SPATA6L: variants seen among roughly 807,000 people sequenced by gnomAD.
SPATA6L encodes the protein spermatogenesis associated 6-like protein.
SPATA6L carries 68 observed loss-of-function variants against 49.2 expected under a neutral mutation model. The observed-to-expected ratio is 1.38, with a 90% CI of 1.14 to 1.69. The LOEUF is 1.69. SPATA6L is among the 40% of genes most tolerant of loss of function. SPATA6L has a pLI of 0.00. For missense variants in SPATA6L, 668 were observed against 464.3 expected, an observed-to-expected ratio of 1.44 and a Z score of -4.03; for synonymous variants, 198 against 165.7, an observed-to-expected ratio of 1.19 and a Z score of -1.50.
intron 3 of SPATA6L, among the ~76,000 whole-genome samples, chr9:4,655,507 T>C (rs144843334): frequency 5.9e-5 from 9 of 152,178 alleles, no homozygotes; most frequent in African/African-American, 1.2e-4. Flanking sequence ...AACAGAATCA[T>C]ACTATCCATC....
At position 4,662,405 on chromosome 9, in the gene SPATA6L, A is replaced by T. The variant is rs2130804695; in HGVS notation, c.40-369T>A. 1 of 1,535,376 alleles carries T rather than the reference A, an allele frequency of 6.5e-7. No individual in the cohort carries two copies. Among genetic ancestry groups the T allele is most frequent in the Non-Finnish European group, 8.7e-7 (1 of 1,148,808 alleles). On this transcript the variant is annotated intron_variant, in intron 1 of 11. Coordinates refer to ENST00000682582, the MANE Select transcript of SPATA6L (RefSeq NM_001353486.2). This position sits in a 1 kb window ranked among gnomAD's most constrained non-coding sequence, Gnocchi z 4.9. ...CAAGTCCCCGGAGGAGCATGGAGGG[A>T]CGGCCGCTGGGCGTCTCCGCTTCGA...
At chr9:4,616,410 C>T (rs1042993983) in intron 9 of SPATA6L, among the ~76,000 whole-genome samples, 2 of 152,192 alleles carry the variant, frequency 1.3e-5, no homozygotes, top group Non-Finnish European at 2.9e-5. Context: ...TTCCGTTCTT[C>T]ATTTAAAATC....
chr9:4,614,030 T>C (rs1827396959), intron 9 of SPATA6L, among the ~76,000 whole-genome samples: 1 of 152,258 alleles, frequency 6.6e-6, no homozygotes, highest in South Asian at 2.1e-4. Context: ...TTTCATTTGT[T>C]ACCATTATTG....
chr9:4,647,061 T>G (rs1294355332), intron 3 of SPATA6L, among the ~76,000 whole-genome samples: 1 of 146,552 alleles, frequency 6.8e-6, no homozygotes, highest in Non-Finnish European at 1.5e-5. Flanking sequence ...CCCCTAAACC[T>G]AAAAGTTAAA....
At chr9:4,606,752 G>A (rs10974646) in intron 9 of SPATA6L, among the ~76,000 whole-genome samples, 2,684 of 146,814 alleles carry the variant, frequency 0.018, 57 homozygotes, top group Non-Finnish European at 0.029. Flanking sequence ...CTCCTCCAAA[G>A]GAATGCAGTT....
intron 9 of SPATA6L, among the ~76,000 whole-genome samples, chr9:4,607,336 T>C (rs1825534299): frequency 6.6e-6 from 1 of 151,972 alleles, no homozygotes; most frequent in East Asian, 1.9e-4. Context: ...CCAACACACA[T>C]AATTGTCAGA....
At chr9:4,605,462 G>A in intron 9 of SPATA6L, 22 bp from the exon 10 acceptor site, 1 of 1,566,944 alleles carries the variant, frequency 6.4e-7, no homozygotes, top group East Asian at 2.2e-5. Context: ...ATGGAACAGG[G>A]TGGAATATTA....
At chr9:4,619,306 G>A (rs533536811) in intron 7 of SPATA6L, among the ~76,000 whole-genome samples, 179 of 151,860 alleles carry the variant, frequency 1.2e-3, no homozygotes, top group African/African-American at 1.6e-3. Flanking sequence ...ACAGATGCCC[G>A]CCACCATGCC....
At position 4,629,228 on chromosome 9, in the gene SPATA6L, C is replaced by A. The variant is rs973490826; in HGVS notation, c.352-60G>T. On this transcript the variant is annotated intron_variant, in intron 4 of 11. Transcript: ENST00000682582. Reference sequence around the variant, plus strand: ...CTAGAAACAGTTCTTTAGCCATCTCCTTCTAACTTGAAATCATACAAGAAC... The same window carrying A: ...CTAGAAACAGTTCTTTAGCCATCTCATTCTAACTTGAAATCATACAAGAAC... 13 of 1,202,032 alleles carry A rather than the reference C, an allele frequency of 1.1e-5. No homozygotes were observed. In the African/African-American group the frequency reaches 2.0e-4, roughly 19 times the overall value. The allele number at this position is 1,202,032 out of a possible 1,614,324, so 74.5% of individuals were successfully genotyped here. A position where few individuals can be genotyped will look rare whatever the true frequency, so the allele number is the denominator to read the frequency against.
At chr9:4,656,439 A>AG (rs1838206395) in intron 2 of SPATA6L, among the ~76,000 whole-genome samples, 1 of 116,314 alleles carries the variant, frequency 8.6e-6, no homozygotes, top group East Asian at 3.1e-4. Flanking sequence ...ACCCTGTGAA[A>AG]GAAAGGAAGG....
intron 6 of SPATA6L, among the ~76,000 whole-genome samples, chr9:4,624,689 C>A (rs1278444414): frequency 1.4e-5 from 2 of 147,904 alleles, no homozygotes; most frequent in Non-Finnish European, 3.0e-5. Flanking sequence ...GATTGTGTCA[C>A]TGCACTCCAG....
At chr9:4,615,098 T>A (rs1827659045) in intron 9 of SPATA6L, among the ~76,000 whole-genome samples, 1 of 152,052 alleles carries the variant, frequency 6.6e-6, no homozygotes, top group South Asian at 2.1e-4. Flanking sequence ...ATCACTCACC[T>A]CTATGAACCC....
intron 2 of SPATA6L, among the ~76,000 whole-genome samples, chr9:4,658,690 A>T (rs1324554765): frequency 6.6e-6 from 1 of 152,146 alleles, no homozygotes; most frequent in Non-Finnish European, 1.5e-5. Flanking sequence ...TCTTATAAAA[A>T]TATTTTTAAA....
chr9:4,635,149 C>A, intron 4 of SPATA6L, 126 bp downstream of exon 4: 2 of 999,632 alleles, frequency 2.0e-6, no homozygotes, highest in Non-Finnish European at 2.7e-6. Flanking sequence ...GGCATCAAAA[C>A]AGAGCTACTA....
At chr9:4,622,358 G>T (rs755774488) in intron 7 of SPATA6L, 50 bp downstream of exon 7, 1 of 1,064,724 alleles carries the variant, frequency 9.4e-7, no homozygotes, top group Non-Finnish European at 1.5e-6. Context: ...TACTCAGGAC[G>T]CATTTGTTGC....
At chr9:4,604,880 A>G (rs906396077) in intron 10 of SPATA6L, among the ~76,000 whole-genome samples, 1 of 152,188 alleles carries the variant, frequency 6.6e-6, no homozygotes, top group African/African-American at 2.4e-5. Flanking sequence ...AGCACTCCCC[A>G]TACCCCTGTA....
Position 4,662,921 on chromosome 9 carries a change from G to C in SPATA6L, c.40-885C>G. 1.2e-6 allele frequency: 2 copies of C among 1,610,408 alleles called. No individual in the cohort carries two copies. The highest frequency in any genetic ancestry group is 1.7e-6 in the Non-Finnish European group (2 of 1,179,954). ...TGTTGGACCTGCTGCTGGTGGCCTT[G>C]ATCAAAGGGCTGGTCCGCAGGCGCC... On this transcript the variant is annotated intron_variant, in intron 1 of 11. Coordinates refer to ENST00000682582, the MANE Select transcript of SPATA6L (RefSeq NM_001353486.2). This position sits in a 1 kb window ranked among gnomAD's most constrained non-coding sequence, Gnocchi z 4.9.
intron 3 of SPATA6L, among the ~76,000 whole-genome samples, chr9:4,637,426 A>G (rs895711135): frequency 2.6e-5 from 4 of 152,174 alleles, no homozygotes; most frequent in African/African-American, 4.8e-5. Context: ...ACTAATTGAT[A>G]TTTTTGTTCA....
intron 4 of SPATA6L, among the ~76,000 whole-genome samples, chr9:4,631,337 T>C (rs1831501172): frequency 6.6e-6 from 1 of 152,124 alleles, no homozygotes; most frequent in Non-Finnish European, 1.5e-5. Flanking sequence ...ATGCTCACTT[T>C]ACAAAGTCAG....
Sources: gnomAD v4.1 joint callset for allele counts (sites outside exome capture counted in the v4.1 genomes callset) on GRCh38, gnomAD v4.1.1 for gene constraint, Gnocchi (gnomAD v3.1) non-coding constraint, MANE v1.5 for transcripts, NCBI Gene and HGNC (gene_info 2026-07-23, HGNC 2026-07-21) for gene names.